Variants in MC2R observed in about 807,000 individuals in gnomAD.
MC2R encodes melanocortin 2 receptor.
A neutral mutation model predicts 9.8 loss-of-function variants in MC2R; 9 were observed. The observed-to-expected ratio is 0.92, with a 90% CI of 0.55 to 1.60. The LOEUF (loss-of-function observed/expected upper bound fraction) is 1.60. MC2R is among the 40% of genes most tolerant of loss of function. The pLI, the probability that MC2R is intolerant of heterozygous loss-of-function variation, is 0.00. For synonymous variants in MC2R, 185 were observed against 154.7 expected (o/e 1.20, Z -1.45); for missense variants, 370 against 389.0 (o/e 0.95, Z 0.41).
At chr18:13,907,690 C>A (rs2045421484) in intron 1 of MC2R, among the ~76,000 whole-genome samples, 1 of 152,110 alleles carries the variant, frequency 6.6e-6, no homozygotes, top group South Asian at 2.1e-4. Context: ...AGAAAACCAA[C>A]AAATAATCCA....
intron 1 of MC2R, among the ~76,000 whole-genome samples, chr18:13,909,392 T>C (rs1360707413): frequency 6.6e-6 from 1 of 152,166 alleles, no homozygotes; most frequent in African/African-American, 2.4e-5. Flanking sequence ...CCACTGCAGT[T>C]AGTGTTTCCT....
chr18:13,899,799 G>A (rs964805338), intron 1 of MC2R, among the ~76,000 whole-genome samples: 4 of 152,080 alleles, frequency 2.6e-5, no homozygotes, highest in Non-Finnish European at 4.4e-5. Flanking sequence ...AACCTTCCCA[G>A]ACAAACAAAA....
chr18:13,889,673 A>T (rs1209090743), intron 1 of MC2R, among the ~76,000 whole-genome samples: 1 of 151,972 alleles, frequency 6.6e-6, no homozygotes, highest in East Asian at 1.9e-4. Context: ...TTTTATATTG[A>T]TCATCATCTT....
At chr18:13,903,421 G>C (rs2045392363) in intron 1 of MC2R, among the ~76,000 whole-genome samples, 1 of 152,214 alleles carries the variant, frequency 6.6e-6, no homozygotes, top group African/African-American at 2.4e-5. Context: ...GTTTACAATA[G>C]CTAAGATTTG....
At chr18:13,905,426 C>A (rs780719481) in intron 1 of MC2R, among the ~76,000 whole-genome samples, 3 of 151,690 alleles carry the variant, frequency 2.0e-5, no homozygotes, top group Non-Finnish European at 4.4e-5. Context: ...GCAGAGGTTG[C>A]ACTGAGCCGT....
At position 13,884,521 on chromosome 18, in the gene MC2R, G is replaced by A; in HGVS notation, c.*104C>T. 1 of 1,273,382 alleles carries A rather than the reference G, an allele frequency of 7.9e-7. No homozygotes were observed. Among genetic ancestry groups the A allele is most frequent in the Non-Finnish European group, 1.1e-6 (1 of 885,248 alleles). 78.9% of individuals were successfully genotyped at this position (1,273,382 alleles called of 1,614,324 possible). On this transcript the variant is annotated 3_prime_UTR_variant, in exon 2 of 2. Coordinates refer to ENST00000327606, the MANE Select transcript of MC2R (RefSeq NM_000529.2). ...GTGGGATCATCCTTGCATCCATTAG[G>A]GAAGGAAGGCCAGTGAGGAGCACTG...
intron 1 of MC2R, among the ~76,000 whole-genome samples, chr18:13,890,334 C>T (rs192347880): frequency 1.5e-4 from 23 of 152,278 alleles, no homozygotes; most frequent in Middle Eastern, 6.8e-3. Context: ...CTTTCCTCTG[C>T]GCTGCTGGGT....
chr18:13,891,977 GAT>G (rs369580368), intron 1 of MC2R, among the ~76,000 whole-genome samples: 33 of 152,310 alleles, frequency 2.2e-4, no homozygotes, highest in African/African-American at 7.2e-4. Context: ...ATAAAGAAGA[GAT>G]AAAAAATGGG....
intron 1 of MC2R, among the ~76,000 whole-genome samples, chr18:13,890,795 CCTT>C (rs1464691042): frequency 6.6e-6 from 1 of 152,186 alleles, no homozygotes; most frequent in African/African-American, 2.4e-5. Flanking sequence ...AGTCCGGTCT[CCTT>C]CTGGAATTTC....
At chr18:13,898,588 C>T (rs1371977083) in intron 1 of MC2R, among the ~76,000 whole-genome samples, 1 of 152,212 alleles carries the variant, frequency 6.6e-6, no homozygotes, top group Non-Finnish European at 1.5e-5. Context: ...GCTGTGCTGG[C>T]TTTGGGTCTG....
intron 1 of MC2R, among the ~76,000 whole-genome samples, chr18:13,898,522 G>A (rs1174482935): frequency 1.3e-5 from 2 of 152,248 alleles, no homozygotes; most frequent in Non-Finnish European, 2.9e-5. Flanking sequence ...AGGGCCTTGA[G>A]TGAACACAGG....
intron 1 of MC2R, among the ~76,000 whole-genome samples, chr18:13,892,418 C>T (rs768246975): frequency 4.0e-4 from 60 of 151,168 alleles, no homozygotes; most frequent in Non-Finnish European, 7.1e-4. Context: ...CCCTTGAGGG[C>T]CTACCCGTCC....
Position 13,883,576 on chromosome 18 carries a change from TACACACACACACACACACACACACACAC to T in MC2R, c.*1021_*1048del, listed in dbSNP as rs67239935. 1 of 118,572 alleles carries T rather than the reference TACACACACACACACACACACACACACAC, an allele frequency of 8.4e-6. No homozygotes were observed. The highest frequency in any genetic ancestry group is 3.3e-4 in the South Asian group (1 of 3,058). 7.3% of individuals were successfully genotyped at this position (118,572 alleles called of 1,614,324 possible). On this transcript the variant is annotated 3_prime_UTR_variant, in exon 2 of 2. Coordinates refer to ENST00000327606, the MANE Select transcript of MC2R (RefSeq NM_000529.2). ...CCATAGTCCAAAAGCATGGGGAAAA[TACACACACACACACACACACACACACAC>T]ACACACACACACACACACACACACT...
intron 1 of MC2R, among the ~76,000 whole-genome samples, chr18:13,895,614 G>T (rs2045341390): frequency 6.6e-6 from 1 of 151,716 alleles, no homozygotes; most frequent in Admixed American, 6.6e-5. Flanking sequence ...TGTCGAAAAA[G>T]AAAAAAAAGC....
At chr18:13,909,934 G>A (rs1343484409) in intron 1 of MC2R, among the ~76,000 whole-genome samples, 1 of 152,138 alleles carries the variant, frequency 6.6e-6, no homozygotes, top group Non-Finnish European at 1.5e-5. Flanking sequence ...TTTTAATAAA[G>A]TCTATTATTT....
At chr18:13,897,794 G>A (rs948262973) in intron 1 of MC2R, among the ~76,000 whole-genome samples, 1 of 152,040 alleles carries the variant, frequency 6.6e-6, no homozygotes, top group African/African-American at 2.4e-5. Context: ...TTGCTGCCTT[G>A]AAGGGAAGGA....
At chr18:13,909,556 T>C (rs2045432903) in intron 1 of MC2R, among the ~76,000 whole-genome samples, 2 of 152,304 alleles carry the variant, frequency 1.3e-5, no homozygotes, top group South Asian at 2.1e-4. Context: ...TATCCTTCCC[T>C]ATTTATTTAT....
At position 13,884,530 on chromosome 18, in the gene MC2R, G is replaced by C. The variant is rs1363143852; in HGVS notation, c.*95C>G. On this transcript the variant is annotated 3_prime_UTR_variant, in exon 2 of 2. Transcript: ENST00000327606. ...TCCTTGCATCCATTAGGGAAGGAAG[G>C]CCAGTGAGGAGCACTGGCATTTGTT... The C allele has an allele frequency of 1.5e-6, 2 of 1,352,140 alleles. No homozygotes were observed. Among genetic ancestry groups the C allele is most frequent in the Non-Finnish European group, 2.1e-6 (2 of 956,180 alleles). 83.8% of individuals were successfully genotyped at this position (1,352,140 alleles called of 1,614,324 possible). A position where few individuals can be genotyped will look rare whatever the true frequency, so the allele number is the denominator to read the frequency against.
At position 13,882,564 on chromosome 18, in the gene MC2R, G is replaced by C. The variant is rs1367327153; in HGVS notation, c.*2061C>G. 1 of 152,202 alleles carries C rather than the reference G, an allele frequency of 6.6e-6. No homozygotes were observed. Among genetic ancestry groups the C allele is most frequent in the East Asian group, 1.9e-4 (1 of 5,184 alleles). The allele number at this position is 152,202 out of a possible 1,614,324, so 9.4% of individuals were successfully genotyped here. A position where few individuals can be genotyped will look rare whatever the true frequency, so the allele number is the denominator to read the frequency against. On this transcript the variant is annotated 3_prime_UTR_variant, in exon 2 of 2. Transcript: ENST00000327606. ...TGACAACAGTCACATGCACAGCAGAGAGCTTGAGAGTGATTAGGAGACAGC... is the reference window on the plus strand; with the variant it reads ...TGACAACAGTCACATGCACAGCAGACAGCTTGAGAGTGATTAGGAGACAGC...
Sources: allele counts gnomAD v4.1 joint callset (sites outside exome capture counted in the v4.1 genomes callset), GRCh38; gene constraint gnomAD v4.1.1; transcripts MANE v1.5; gene names NCBI Gene and HGNC (gene_info 2026-07-23, HGNC 2026-07-21).